EHBP1L1: variants seen among roughly 807,000 people sequenced by gnomAD.
The protein encoded by EHBP1L1 is EH domain binding protein 1 like 1, also known as EH domain-binding protein 1-like protein 1.
A neutral mutation model predicts 151.1 loss-of-function variants in EHBP1L1; 122 were observed. The ratio of observed to expected loss-of-function variants is 0.81; its 90% CI spans 0.70 to 0.94. EHBP1L1 has a LOEUF of 0.94. Ranked by LOEUF, EHBP1L1 falls within the 40% of genes least tolerant of loss-of-function variation. The pLI is 0.00. For missense variants in EHBP1L1, 1,941 were observed against 1,959.8 expected (o/e 0.99, Z 0.18); for synonymous variants, 878 against 810.1 (o/e 1.08, Z -1.42).
intron 1 of EHBP1L1, among the ~76,000 whole-genome samples, chr11:65,577,055 G>A (rs1213025880): frequency 4.6e-5 from 7 of 152,354 alleles, no homozygotes; most frequent in Non-Finnish European, 4.4e-5. Context: ...CAAGGTGGCA[G>A]GGTGAGGGGT....
Position 65,576,384 on chromosome 11 carries a change from G to C in EHBP1L1, c.82G>C (p.Val28Leu). The C allele has an allele frequency of 6.3e-7, 1 of 1,590,786 alleles. No individual in the cohort carries two copies. Among genetic ancestry groups the C allele is most frequent in the Non-Finnish European group, 8.6e-7 (1 of 1,169,020 alleles). ...GTTCGTGGCCTGTTACCACGAGCTA[G>C]TGTTGGAGTGCACCAAGAAATGGTG... Reference protein sequence around the residue: ...FQFVACYHELVLECTKKWQPD... With the variant: ...FQFVACYHELLLECTKKWQPD... Residue 28 changes from valine (V) to leucine (L), a missense_variant, in exon 1 of 19, where the codon GTG becomes CTG. By Grantham distance (32) the Val-to-Leu change is conservative. Coordinates refer to ENST00000309295, the MANE Select transcript of EHBP1L1 (RefSeq NM_001099409.3).
In EHBP1L1 at chr11:65,576,227, G is replaced by A; in HGVS notation, c.-76G>A. 2.2e-6 allele frequency: 3 copies of A among 1,377,870 alleles called. No individual in the cohort carries two copies. In the South Asian group the frequency reaches 4.3e-5, roughly 20 times the overall value. 85.4% of individuals were successfully genotyped at this position (1,377,870 alleles called of 1,614,324 possible). On this transcript the variant is annotated 5_prime_UTR_variant, in exon 1 of 19. Transcript: ENST00000309295. ...GCGGGCGGCGCGGACAGGCCATGGG[G>A]ACCCGGGCCGGGCCAGCGGTGGCGG...
chr11:65,581,163 C>T (rs762918811), intron 7 of EHBP1L1, 37 bp downstream of exon 7: 2 of 1,611,818 alleles, frequency 1.2e-6, no homozygotes, highest in Admixed American at 1.7e-5. Flanking sequence ...GGAGACTGGA[C>T]CCCAGGTCAC....
rs938272774 is a variant in EHBP1L1 at position 65,585,625 on chromosome 11, G to A, written c.3933+34G>A. 3 of 1,541,416 alleles carry A rather than the reference G, an allele frequency of 1.9e-6. No individual in the cohort carries two copies. Among genetic ancestry groups the A allele is most frequent in the South Asian group, 2.4e-5 (2 of 84,776 alleles). The stretch of plus-strand genomic sequence containing the variant: ...CAAGGTCCTTCTTTCTTCCCCCGCC[G>A]CAGCGCGGGGTCCCGGGAAGATGGG... On this transcript the variant is annotated intron_variant, in intron 12 of 18. Transcript: ENST00000309295. This position sits in a 1 kb window ranked among gnomAD's most constrained non-coding sequence, Gnocchi z 4.0.
At chr11:65,583,968 A>G in intron 9 of EHBP1L1, 1 of 1,413,090 alleles carries the variant, frequency 7.1e-7, no homozygotes, top group South Asian at 1.7e-5. Context: ...ATGGAGCTGG[A>G]CACCTCTAAG....
Position 65,592,257 on chromosome 11 carries a change from G to A in EHBP1L1, c.4527G>A (p.Lys1509=). ...LERGLEQRRR[K]LSRQLSRRER... ...GCGGCCTGGAACAGCGGCGCCGCAA[G>A]CTGAGCCGGCAGTTGAGCCGGCGGG... The change falls in exon 19 of 19, where the codon AAG becomes AAA. Residue 1509 remains lysine (K), a synonymous_variant. Coordinates refer to ENST00000309295, the MANE Select transcript of EHBP1L1 (RefSeq NM_001099409.3). 6.5e-7 allele frequency: 1 copy of A among 1,532,900 alleles called. No individual in the cohort carries two copies. Among genetic ancestry groups the A allele is most frequent in the South Asian group, 1.2e-5 (1 of 84,144 alleles). The allele number at this position is 1,532,900 out of a possible 1,614,324, so 95.0% of individuals were successfully genotyped here.
intron 12 of EHBP1L1, among the ~76,000 whole-genome samples, chr11:65,589,456 C>G (rs1160853312): frequency 6.6e-6 from 1 of 152,086 alleles, no homozygotes; most frequent in Non-Finnish European, 1.5e-5. Context: ...CCTGTGAGGC[C>G]GGAGCTCAGC....
rs1043763842 is a variant in EHBP1L1 at position 65,583,697 on chromosome 11, G to A, written c.3025G>A (p.Gly1009Arg). The A allele has an allele frequency of 3.2e-6, 5 of 1,567,116 alleles. No individual in the cohort carries two copies. In the African/African-American group the frequency reaches 6.8e-5, roughly 21 times the overall value. Residue 1009 changes from glycine to arginine, a missense_variant, in exon 9 of 19, where the codon GGG becomes AGG. Physicochemically the swap from Gly to Arg is moderately radical, Grantham distance 125 (BLOSUM62 -2). Coordinates refer to ENST00000309295, the MANE Select transcript of EHBP1L1 (RefSeq NM_001099409.3). ...LPEAQVASGA[G>R]AGAPRASSPE... ...TGAAGCACAGGTGGCCAGTGGGGCA[G>A]GGGCTGGGGCGCCCAGGGCCTCTTC...
rs1234757114 is a variant in EHBP1L1, at chr11:65,585,183, C to T, written c.3525C>T (p.Ala1175=). 26 of 1,282,498 alleles carry T rather than the reference C, an allele frequency of 2.0e-5. No individual in the cohort carries two copies. The highest frequency in any genetic ancestry group is 1.3e-4 in the Admixed American group (3 of 22,542). The allele number at this position is 1,282,498 out of a possible 1,614,324, so 79.4% of individuals were successfully genotyped here. ...AQPSPPDDLD[A]GGLAQRLRGH... is the part of the protein sequence containing the mutation. ...CCAGCCCGCCCGACGACCTGGACGC[C>T]GGAGGCCTGGCGCAGCGGCTGCGCG... is the stretch of plus-strand genomic sequence containing the variant. Residue 1175 remains alanine (A), a synonymous_variant, in exon 12 of 19, where the codon GCC becomes GCT. Coordinates refer to ENST00000309295, the MANE Select transcript of EHBP1L1 (RefSeq NM_001099409.3). The surrounding 1 kb of genome is among the most constrained non-coding windows in gnomAD (Gnocchi z 4.0).
intron 3 of EHBP1L1, 26 bp from the exon 4 acceptor site, chr11:65,579,910 G>A (rs767423012): frequency 7.4e-6 from 12 of 1,612,950 alleles, no homozygotes; most frequent in East Asian, 2.2e-5. Context: ...CAACAGTCCT[G>A]TACTCACCAG....
Position 65,579,338 on chromosome 11 carries a change from T to C in EHBP1L1, c.163-3T>C, listed in dbSNP as rs1224867487. 25 of 1,548,482 alleles carry C rather than the reference T, an allele frequency of 1.6e-5. No individual in the cohort carries two copies. The highest frequency in any genetic ancestry group is 2.7e-5 in the African/African-American group (2 of 73,730). ...GGGGGAGGACTCAGATTGTCCCTTG[T>C]AGGCCCACAGCTGGCAGCCGGGCAT... On this transcript the variant is annotated splice_polypyrimidine_tract_variant and splice_region_variant and intron_variant, in intron 2 of 18. Coordinates refer to ENST00000309295, the MANE Select transcript of EHBP1L1 (RefSeq NM_001099409.3).
Position 65,581,544 on chromosome 11 carries a change from CA to C in EHBP1L1, c.874del (p.Arg292GlyfsTer141). 6.7e-7 allele frequency: 1 copy of C among 1,494,242 alleles called. No homozygotes were observed. The highest frequency in any genetic ancestry group is 2.4e-5 in the East Asian group (1 of 42,234). 92.6% of individuals were successfully genotyped at this position (1,494,242 alleles called of 1,614,324 possible). A position where few individuals can be genotyped will look rare whatever the true frequency, so the allele number is the denominator to read the frequency against. On this transcript the variant is annotated frameshift_variant, in exon 9 of 19. Transcript: ENST00000309295. LOFTEE classifies it high-confidence loss of function. The part of the protein sequence containing the change: ...PPETSPEMRS[S>X]RQPAQDTAPT... ...CCCTCCTGCTCTCTTCTCAGGTCTT[CA>C]AGGCAGCCAGCCCAGGACACGGCCC... is the stretch of plus-strand genomic sequence containing the variant.
Position 65,581,541 on chromosome 11 carries a change from C to T in EHBP1L1, c.869C>T (p.Ser290Phe), listed in dbSNP as rs775986190. 6.0e-6 allele frequency: 9 copies of T among 1,493,738 alleles called. No homozygotes were observed. The highest frequency in any genetic ancestry group is 8.0e-6 in the Non-Finnish European group (9 of 1,123,598). The allele number at this position is 1,493,738 out of a possible 1,614,324, so 92.5% of individuals were successfully genotyped here. Reference sequence around the variant, plus strand: ...TCCCCCTCCTGCTCTCTTCTCAGGTCTTCAAGGCAGCCAGCCCAGGACACG... The same window carrying T: ...TCCCCCTCCTGCTCTCTTCTCAGGTTTTCAAGGCAGCCAGCCCAGGACACG... The part of the protein sequence containing the change: ...RPPETSPEMR[S>F]SRQPAQDTAP... The change falls in exon 9 of 19, where the codon TCT (serine) becomes TTT (phenylalanine). Residue 290 changes from serine to phenylalanine, a missense_variant and splice_region_variant. Ser to Phe is a radical substitution (Grantham distance 155). Coordinates refer to ENST00000309295, the MANE Select transcript of EHBP1L1 (RefSeq NM_001099409.3).
intron 1 of EHBP1L1, 38 bp downstream of exon 1, chr11:65,576,444 G>A: frequency 6.5e-7 from 1 of 1,533,484 alleles, no homozygotes; most frequent in South Asian, 1.2e-5. Context: ...CCCCGAACTT[G>A]CTGGGACCTC....
Position 65,591,790 on chromosome 11 carries a change from C to CCCCAAA in EHBP1L1, c.4284-10_4284-9insCCCAAA. On this transcript the variant is annotated splice_polypyrimidine_tract_variant and intron_variant, in intron 16 of 18. Transcript: ENST00000309295. ...CACCCCCCCGCCACCCACCCCCCGC[C>CCCCAAA]ACCTTCCAGCATGGAGGAGCAGGAC... is the stretch of plus-strand genomic sequence containing the variant. The CCCCAAA allele has an allele frequency of 6.5e-7, 1 of 1,535,874 alleles. No individual in the cohort carries two copies. The highest frequency in any genetic ancestry group is 8.8e-7 in the Non-Finnish European group (1 of 1,136,570).
At chr11:65,580,558 G>A (rs983080297) in intron 6 of EHBP1L1, 79 bp downstream of exon 6, 1 of 1,547,536 alleles carries the variant, frequency 6.5e-7, no homozygotes, top group African/African-American at 1.4e-5. Flanking sequence ...GCCACTTGCT[G>A]TGCCCGCCCT....
In EHBP1L1 at chr11:65,588,241, G is replaced by A. The variant is rs530290525; in HGVS notation, c.3934-1510G>A. On this transcript the variant is annotated intron_variant, in intron 12 of 18. Coordinates refer to ENST00000309295, the MANE Select transcript of EHBP1L1 (RefSeq NM_001099409.3). ...GGTCGTGGAGGTCACGTTGGTACCAGGCAGCCCAAGATGGAAGCTGACTCC... is the reference window on the plus strand; with the variant it reads ...GGTCGTGGAGGTCACGTTGGTACCAAGCAGCCCAAGATGGAAGCTGACTCC... Among the ~76,000 whole-genome samples, 13 of 152,296 alleles carry A rather than the reference G, an allele frequency of 8.5e-5. No homozygotes were observed. The South Asian group carries it at 2.3e-3, about 27-fold the overall frequency.
In EHBP1L1 at chr11:65,582,644, G is replaced by T. The variant is rs754939656; in HGVS notation, c.1972G>T (p.Ala658Ser). 14 of 1,613,500 alleles carry T rather than the reference G, an allele frequency of 8.7e-6. No individual in the cohort carries two copies. The highest frequency in any genetic ancestry group is 1.3e-5 in the African/African-American group (1 of 74,876). Residue 658 changes from alanine (A) to serine (S), a missense_variant, in exon 9 of 19, where the codon GCT becomes TCT. Coordinates refer to ENST00000309295, the MANE Select transcript of EHBP1L1 (RefSeq NM_001099409.3). The stretch of plus-strand genomic sequence containing the variant: ...GGTATTGGGGACCCAGAAAACAGAA[G>T]CTGGGGGTTCAGGAGTTTTGCAGAC... Reference protein sequence around the residue: ...TEVLGTQKTEAGGSGVLQTRT... With the variant: ...TEVLGTQKTESGGSGVLQTRT...
chr11:65,582,531 C>G lies in EHBP1L1; in HGVS notation c.1859C>G (p.Ser620Ter). 1 of 1,613,354 alleles carries G rather than the reference C, an allele frequency of 6.2e-7. No homozygotes were observed. The highest frequency in any genetic ancestry group is 2.2e-5 in the East Asian group (1 of 44,872). ...GCAGCAAGATCAAGGGTCCTGGAGT[C>G]AGAGGTTGCTGGGACAGCACAGTGT... is the stretch of plus-strand genomic sequence containing the variant. ...KEAARSRVLE[S>*]EVAGTAQCEG... Residue 620 changes from serine to a stop codon, truncating the protein, a stop_gained, in exon 9 of 19, where the codon TCA becomes TGA. Coordinates refer to ENST00000309295, the MANE Select transcript of EHBP1L1 (RefSeq NM_001099409.3). LOFTEE classifies it high-confidence loss of function.
Sources: gnomAD v4.1 joint callset for allele counts (sites outside exome capture counted in the v4.1 genomes callset) on GRCh38, gnomAD v4.1.1 for gene constraint, Gnocchi (gnomAD v3.1) non-coding constraint, MANE v1.5 for transcripts, NCBI Gene and HGNC (gene_info 2026-07-23, HGNC 2026-07-21) for gene names.